The following PI4KA variants were observed in gnomAD, a reference collection of about 807,000 sequenced individuals.
PI4KA encodes the protein phosphatidylinositol 4-kinase alpha.
In PI4KA, 122 loss-of-function variants were observed where a neutral mutation model predicts 271.4. That is an observed-to-expected ratio of 0.45 (90% CI 0.39 to 0.52). The LOEUF is 0.52. Ranked by LOEUF, PI4KA falls within the 20% of genes least tolerant of loss-of-function variation. The probability of loss-of-function intolerance (pLI) is 0.00; values close to 1 mark genes in which losing one functional copy is unlikely to be tolerated. For synonymous variants in PI4KA, 1,041 were observed against 1,078.8 expected (o/e 0.96, Z 0.69); for missense variants, 1,969 against 2,769.1 (o/e 0.71, Z 6.48).
At position 20,763,026 on chromosome 22, in the gene PI4KA, G is replaced by C. The variant is rs5751884; in HGVS notation, c.2709-1640C>G. On this transcript the variant is annotated intron_variant, in intron 22 of 54. Coordinates refer to ENST00000255882, the MANE Select transcript of PI4KA (RefSeq NM_058004.4). The stretch of plus-strand genomic sequence containing the variant: ...TTTTTGCTTTTTTTTTTGGGGGGGG[G>C]GGGGGTTAGAGACAAGTTCTTGCTC... Among the ~76,000 whole-genome samples, 35 of 68,500 alleles carry C rather than the reference G, an allele frequency of 5.1e-4. 3 individuals are homozygous for C. The highest frequency in any genetic ancestry group is 2.5e-3 in the African/African-American group (28 of 11,054). 44.9% of individuals were successfully genotyped at this position (68,500 alleles called of 152,430 possible).
chr22:20,746,058 A>AAAG (rs1272827051), intron 29 of PI4KA, among the ~76,000 whole-genome samples: 2 of 107,366 alleles, frequency 1.9e-5, no homozygotes, highest in African/African-American at 3.7e-5. Context: ...AAAAAAAAAA[A>AAAG]GAATTTTTTT....
intron 3 of PI4KA, among the ~76,000 whole-genome samples, chr22:20,830,329 T>C (rs1005954564): frequency 7.0e-6 from 1 of 142,858 alleles, no homozygotes; most frequent in Non-Finnish European, 1.5e-5. Context: ...GTGTTCGATA[T>C]GTATAAATTT....
At chr22:20,721,599 C>T (rs910237922) in intron 42 of PI4KA, 181 bp from the exon 43 acceptor site, 9 of 615,728 alleles carry the variant, frequency 1.5e-5, no homozygotes, top group Non-Finnish European at 2.5e-5. Flanking sequence ...GGCCAAGTTC[C>T]AGCTGGCTGG....
intron 19 of PI4KA, among the ~76,000 whole-genome samples, chr22:20,791,663 T>A (rs1409844468): frequency 6.6e-6 from 1 of 151,498 alleles, no homozygotes. Context: ...AAGGCTGAGG[T>A]GGGAAGATTG....
At chr22:20,795,170 T>C (rs1439879382) in intron 18 of PI4KA, among the ~76,000 whole-genome samples, 1 of 152,176 alleles carries the variant, frequency 6.6e-6, no homozygotes, top group Non-Finnish European at 1.5e-5. Context: ...TAATTTATAG[T>C]ACCCCCGACT....
intron 7 of PI4KA, among the ~76,000 whole-genome samples, chr22:20,816,029 T>C (rs1921766200): frequency 6.6e-6 from 1 of 151,896 alleles, no homozygotes; most frequent in Non-Finnish European, 1.5e-5. Flanking sequence ...AACCTGCGTC[T>C]CCCAGGTTCA....
intron 1 of PI4KA, among the ~76,000 whole-genome samples, chr22:20,844,633 G>A (rs1319695030): frequency 6.6e-6 from 1 of 152,196 alleles, no homozygotes; most frequent in Non-Finnish European, 1.5e-5. Flanking sequence ...ACTCTTATTA[G>A]AAAGACATCT....
At chr22:20,784,888 A>T (rs529188105) in intron 19 of PI4KA, among the ~76,000 whole-genome samples, 1 of 152,192 alleles carries the variant, frequency 6.6e-6, no homozygotes, top group African/African-American at 2.4e-5. Flanking sequence ...GAACCTCCTT[A>T]TAGGACAAGA....
chr22:20,803,115 T>A, intron 13 of PI4KA, 76 bp downstream of exon 13: 1 of 1,489,206 alleles, frequency 6.7e-7, no homozygotes, highest in Non-Finnish European at 9.4e-7. Flanking sequence ...GGTACAGTCA[T>A]GAAACCTGTG....
chr22:20,813,452 A>G lies in PI4KA; in HGVS notation c.911T>C (p.Ile304Thr). 1 of 1,613,924 alleles carries G rather than the reference A, an allele frequency of 6.2e-7. No homozygotes were observed. The highest frequency in any genetic ancestry group is 1.1e-5 in the South Asian group (1 of 91,074). Residue 304 changes from isoleucine (I) to threonine (T), a missense_variant, in exon 8 of 55, where the codon ATC becomes ACC. By Grantham distance (89) the Ile-to-Thr change is moderately conservative. Coordinates refer to ENST00000255882, the MANE Select transcript of PI4KA (RefSeq NM_058004.4). Reference sequence around the variant, plus strand: ...GGGAGAGACTGAGAAGCTGGAGCTGATGGTTGAAAAGTAGTACTCAGGCTC... The same window carrying G: ...GGGAGAGACTGAGAAGCTGGAGCTGGTGGTTGAAAAGTAGTACTCAGGCTC... ...ALEPEYYFSTISSSFSVSPLF... is the reference protein window; with the variant it reads ...ALEPEYYFSTTSSSFSVSPLF...
At chr22:20,715,528 G>A (rs1217447988) in intron 45 of PI4KA, among the ~76,000 whole-genome samples, 3 of 151,952 alleles carry the variant, frequency 2.0e-5, no homozygotes, top group African/African-American at 7.3e-5. Context: ...AGGCTGGAGT[G>A]CAGTGGCTCG....
At chr22:20,806,104 GC>G (rs2147624196) in intron 10 of PI4KA, among the ~76,000 whole-genome samples, 1 of 152,262 alleles carries the variant, frequency 6.6e-6, no homozygotes, top group African/African-American at 2.4e-5. Context: ...TTCAACCCTT[GC>G]CGTGGCCCAG....
chr22:20,820,744 C>T (rs929746462), intron 4 of PI4KA, 133 bp from the exon 5 acceptor site: 4 of 646,880 alleles, frequency 6.2e-6, no homozygotes, highest in East Asian at 5.4e-5. Flanking sequence ...CCCTCCACAA[C>T]GACTGTGCCA....
At chr22:20,718,990 T>C (rs1448456864) in intron 43 of PI4KA, among the ~76,000 whole-genome samples, 168 bp from the exon 44 acceptor site, 1 of 152,212 alleles carries the variant, frequency 6.6e-6, no homozygotes, top group Non-Finnish European at 1.5e-5. Flanking sequence ...TTGACACAGC[T>C]GACGCTGCTG....
chr22:20,818,391 T>C (rs1466168449), intron 7 of PI4KA, 92 bp downstream of exon 7: 13 of 869,198 alleles, frequency 1.5e-5, no homozygotes, highest in Non-Finnish European at 2.3e-5. Context: ...GACAACAGAG[T>C]TAGTATCAGC....
intron 19 of PI4KA, among the ~76,000 whole-genome samples, chr22:20,781,835 C>T (rs1797992022): frequency 6.6e-6 from 1 of 152,200 alleles, no homozygotes; most frequent in Non-Finnish European, 1.5e-5. Flanking sequence ...GTTTGTGTGA[C>T]CTCAGACAAG....
At position 20,779,363 on chromosome 22, in the gene PI4KA, G is replaced by C. The variant is rs139081149; in HGVS notation, c.2329-13670C>G. ...TCATTTTCCTCATCATAACATCTGC[G>C]TGGGGTGGGAGCAAAGGCCCGCTGG... On this transcript the variant is annotated intron_variant, in intron 19 of 54. Transcript: ENST00000255882. 13 of 1,614,092 alleles carry C rather than the reference G, an allele frequency of 8.1e-6. No homozygotes were observed. In the African/African-American group the frequency reaches 1.7e-4, roughly 22 times the overall value.
At chr22:20,763,642 G>A (rs1048715097) in intron 22 of PI4KA, among the ~76,000 whole-genome samples, 11 of 152,038 alleles carry the variant, frequency 7.2e-5, no homozygotes, top group Admixed American at 2.0e-4. Flanking sequence ...GTTTCACCAC[G>A]TTGGCCAGGC....
intron 23 of PI4KA, among the ~76,000 whole-genome samples, chr22:20,757,764 G>A (rs1340733381): frequency 2.0e-5 from 3 of 152,168 alleles, no homozygotes; most frequent in African/African-American, 4.8e-5. Flanking sequence ...GGCTGGTCTC[G>A]AACTCCTGAC....
Sources: gnomAD v4.1 joint callset for allele counts (sites outside exome capture counted in the v4.1 genomes callset) on GRCh38, gnomAD v4.1.1 for gene constraint, MANE v1.5 for transcripts, NCBI Gene and HGNC (gene_info 2026-07-23, HGNC 2026-07-21) for gene names.